SCN3A: variants seen among roughly 807,000 people sequenced by gnomAD.
SCN3A encodes sodium voltage-gated channel alpha subunit 3, also known as sodium channel protein type 3 subunit alpha.
In SCN3A, 60 loss-of-function variants were observed where a neutral mutation model predicts 187.6. The ratio of observed to expected loss-of-function variants is 0.32; its 90% CI spans 0.26 to 0.40. SCN3A has a LOEUF of 0.40. Ranked by LOEUF, SCN3A falls within the 10% of genes least tolerant of loss-of-function variation. The pLI is 1.00. For synonymous variants in SCN3A, 788 were observed against 829.2 expected (o/e 0.95, Z 0.85); for missense variants, 1,601 against 2,428.2 (o/e 0.66, Z 7.16).
Position 165,092,689 on chromosome 2 carries a change from G to A in SCN3A, c.4537-165C>T. The A allele has an allele frequency of 7.4e-6, 5 of 674,066 alleles. No homozygotes were observed. The highest frequency in any genetic ancestry group is 2.7e-5 in the East Asian group (1 of 36,610). The allele number at this position is 674,066 out of a possible 1,614,324, so 41.8% of individuals were successfully genotyped here. ...TTTTTCTCTTCATGTTAAAAAAAAT[G>A]GAAAAAAAATTTATATAGCTAAACA... On this transcript the variant is annotated intron_variant, in intron 26 of 27. Coordinates refer to ENST00000283254, the MANE Select transcript of SCN3A (RefSeq NM_006922.4). The surrounding 1 kb of genome is among the most constrained non-coding windows in gnomAD (Gnocchi z 4.2).
intron 9 of SCN3A, among the ~76,000 whole-genome samples, chr2:165,162,011 C>G (rs1031064226): frequency 6.6e-6 from 1 of 152,160 alleles, no homozygotes; most frequent in Non-Finnish European, 1.5e-5. Flanking sequence ...CCTAACAGCT[C>G]TGATAGATGT....
intron 5 of SCN3A, among the ~76,000 whole-genome samples, chr2:165,165,514 C>T (rs1239215106): frequency 6.6e-6 from 1 of 152,130 alleles, no homozygotes; most frequent in African/African-American, 2.4e-5. Flanking sequence ...TGTTTAATGT[C>T]ATGTATTTCT....
chr2:165,183,436 C>G (rs1406836114), intron 2 of SCN3A, among the ~76,000 whole-genome samples: 2 of 152,184 alleles, frequency 1.3e-5, no homozygotes, highest in Non-Finnish European at 2.9e-5. Context: ...TTTCAGTTTT[C>G]TAGCCTCACC....
chr2:165,127,100 TC>T, intron 18 of SCN3A, among the ~76,000 whole-genome samples: 1 of 152,306 alleles, frequency 6.6e-6, no homozygotes, highest in Non-Finnish European at 1.5e-5. Context: ...GCTTTGTCAC[TC>T]AGGGTTGAGT....
At chr2:165,169,403 T>G (rs779276526) in intron 4 of SCN3A, among the ~76,000 whole-genome samples, 4 of 151,866 alleles carry the variant, frequency 2.6e-5, no homozygotes, top group Non-Finnish European at 5.9e-5. Flanking sequence ...ATTTACACTT[T>G]AGATTGTGGC....
intron 2 of SCN3A, among the ~76,000 whole-genome samples, chr2:165,184,979 A>G (rs1057219597): frequency 1.3e-5 from 2 of 152,104 alleles, no homozygotes; most frequent in African/African-American, 4.8e-5. Context: ...TTAGCTAAAC[A>G]CATGATTGCC....
chr2:165,186,104 T>C (rs1050718017), intron 2 of SCN3A, among the ~76,000 whole-genome samples: 5 of 152,002 alleles, frequency 3.3e-5, no homozygotes, highest in African/African-American at 1.2e-4. Context: ...ACCTCGTCTC[T>C]ACTAAAAATA....
intron 11 of SCN3A, 122 bp from the exon 12 acceptor site, chr2:165,147,151 T>C: frequency 1.8e-6 from 2 of 1,110,314 alleles, no homozygotes; most frequent in South Asian, 2.9e-5. Flanking sequence ...CTCTAGTCCT[T>C]TTATTTTGTC....
intron 18 of SCN3A, among the ~76,000 whole-genome samples, chr2:165,116,068 GA>G (rs1463117420): frequency 6.6e-6 from 1 of 151,530 alleles, no homozygotes; most frequent in Non-Finnish European, 1.5e-5. Context: ...TATAATTTTA[GA>G]AAGAAAGAGC....
chr2:165,104,609 G>C (rs1685761690), intron 21 of SCN3A, among the ~76,000 whole-genome samples: 1 of 149,588 alleles, frequency 6.7e-6, no homozygotes, highest in Non-Finnish European at 1.5e-5. Flanking sequence ...ATAAACATGA[G>C]AAAACCAAGA....
At chr2:165,135,293 T>G (rs1022124375) in intron 15 of SCN3A, among the ~76,000 whole-genome samples, 1 of 152,088 alleles carries the variant, frequency 6.6e-6, no homozygotes, top group African/African-American at 2.4e-5. Flanking sequence ...ATTCAAGGTC[T>G]CTTGATACTC....
chr2:165,164,996 T>A (rs1469277515), intron 5 of SCN3A, among the ~76,000 whole-genome samples: 1 of 152,196 alleles, frequency 6.6e-6, no homozygotes, highest in East Asian at 1.9e-4. Flanking sequence ...TCCATAGCCA[T>A]ATGTGGCTAG....
rs952476539 is a variant in SCN3A, at chr2:165,183,569, C to T, written c.-51+2982G>A. Among the ~76,000 whole-genome samples the T allele has an allele frequency of 5.9e-5, 9 of 152,280 alleles. No homozygotes were observed. The East Asian group carries it at 1.2e-3, about 20-fold the overall frequency. On this transcript the variant is annotated intron_variant, in intron 2 of 27. Transcript: ENST00000283254. ...TAGAAAAATAGCATTGTAAACATTT[C>T]GGATATGCTGTGGTGTTACTAAGGA...
At chr2:165,106,483 C>G (rs1685865961) in intron 21 of SCN3A, among the ~76,000 whole-genome samples, 2 of 152,030 alleles carry the variant, frequency 1.3e-5, no homozygotes, top group Non-Finnish European at 2.9e-5. Context: ...ATGACTGTAT[C>G]TTCAGGTGTA....
chr2:165,198,478 G>A (rs1185568444), intron 1 of SCN3A, among the ~76,000 whole-genome samples: 1 of 152,006 alleles, frequency 6.6e-6, no homozygotes, highest in Non-Finnish European at 1.5e-5. Flanking sequence ...CTACACATGT[G>A]TTTTATTGAA....
intron 18 of SCN3A, among the ~76,000 whole-genome samples, chr2:165,126,469 T>A (rs952890743): frequency 6.7e-6 from 1 of 150,058 alleles, no homozygotes; most frequent in African/African-American, 2.5e-5. Context: ...TCTTTCTCTT[T>A]CTTTATTTCT....
intron 21 of SCN3A, among the ~76,000 whole-genome samples, chr2:165,104,982 C>A (rs538199748): frequency 6.6e-6 from 1 of 152,286 alleles, no homozygotes; most frequent in East Asian, 1.9e-4. Flanking sequence ...GGAATAATTA[C>A]TTTCTCATCA....
In SCN3A at chr2:165,159,734, T is replaced by C. The variant is rs1011176230; in HGVS notation, c.1031+2574A>G. Reference sequence around the variant, plus strand: ...ATTGTCTTCCAGTTGCTGGTTTGTCTTTTCATTCTCTTAAGAATATCTTTG... The same window carrying C: ...ATTGTCTTCCAGTTGCTGGTTTGTCCTTTCATTCTCTTAAGAATATCTTTG... On this transcript the variant is annotated intron_variant, in intron 9 of 27. Coordinates refer to ENST00000283254, the MANE Select transcript of SCN3A (RefSeq NM_006922.4). Among the ~76,000 whole-genome samples, 35 of 134,410 alleles carry C rather than the reference T, an allele frequency of 2.6e-4. 4 individuals carry two copies. Among genetic ancestry groups the C allele is most frequent in the Admixed American group, 4.7e-4 (6 of 12,636 alleles). 88.2% of individuals were successfully genotyped at this position (134,410 alleles called of 152,430 possible).
At chr2:165,149,200 G>A (rs950703631) in intron 11 of SCN3A, among the ~76,000 whole-genome samples, 5 of 150,744 alleles carry the variant, frequency 3.3e-5, no homozygotes, top group Admixed American at 6.6e-5. Context: ...TTTTTAGATG[G>A]GGTCTCACTC....
Sources: gnomAD v4.1 joint callset for allele counts (sites outside exome capture counted in the v4.1 genomes callset) on GRCh38, gnomAD v4.1.1 for gene constraint, Gnocchi (gnomAD v3.1) non-coding constraint, MANE v1.5 for transcripts, NCBI Gene and HGNC (gene_info 2026-07-23, HGNC 2026-07-21) for gene names.